HID1: variants seen among roughly 807,000 people sequenced by gnomAD.
HID1 encodes the protein HID1 domain containing.
A neutral mutation model predicts 89.7 loss-of-function variants in HID1; 42 were observed. That is an observed-to-expected ratio of 0.47 (90% CI 0.37 to 0.61). HID1 has a LOEUF of 0.61. Ranked by LOEUF, HID1 falls within the 20% of genes least tolerant of loss-of-function variation. The pLI is 0.00. For synonymous variants in HID1, 442 were observed against 433.8 expected (o/e 1.02, Z -0.24); for missense variants, 854 against 1,039.3 (o/e 0.82, Z 2.45).
intron 1 of HID1, among the ~76,000 whole-genome samples, chr17:74,966,274 ACT>A (rs1369137655): frequency 9.2e-6 from 1 of 108,898 alleles, no homozygotes; most frequent in African/African-American, 3.7e-5. Context: ...ACAGAGCAAG[ACT>A]CTGTCTCAAA....
intron 13 of HID1, 115 bp from the exon 14 acceptor site, chr17:74,954,480 G>A (rs972772751): frequency 6.6e-7 from 1 of 1,524,340 alleles, no homozygotes; most frequent in African/African-American, 1.4e-5. Context: ...TCTGCCCAAG[G>A]GGTTGGAGAT....
At position 74,972,486 on chromosome 17, in the gene HID1, C is replaced by G. The variant is rs896440559; in HGVS notation, c.66+105G>C. The G allele has an allele frequency of 1.6e-5, 17 of 1,096,184 alleles. No homozygotes were observed. Among genetic ancestry groups the G allele is most frequent in the Non-Finnish European group, 2.1e-5 (16 of 774,480 alleles). 67.9% of individuals were successfully genotyped at this position (1,096,184 alleles called of 1,614,324 possible). On this transcript the variant is annotated intron_variant, in intron 1 of 18. Transcript: ENST00000425042. This position sits in a 1 kb window ranked among gnomAD's most constrained non-coding sequence, Gnocchi z 6.4. ...CTGGCCTTGGCGTTACGCTCGGGGCCCGCCCGTCCCCCCATCTCCCGACGA... is the reference window on the plus strand; with the variant it reads ...CTGGCCTTGGCGTTACGCTCGGGGCGCGCCCGTCCCCCCATCTCCCGACGA...
chr17:74,951,767 G>A (rs927824498), intron 18 of HID1, 134 bp from the exon 19 acceptor site: 38 of 1,361,366 alleles, frequency 2.8e-5, no homozygotes, highest in Non-Finnish European at 3.6e-5. Context: ...GGGTGCCACC[G>A]TCAACCAGGC....
chr17:74,956,894 C>T (rs2039399266), intron 12 of HID1, among the ~76,000 whole-genome samples: 1 of 152,236 alleles, frequency 6.6e-6, no homozygotes, highest in South Asian at 2.1e-4. Flanking sequence ...AGGACAAAGG[C>T]AGAAAGGGTG....
rs138537346 is a variant in HID1, at chr17:74,958,725, T to C, written c.1188A>G (p.Leu396=). Residue 396 remains leucine, a synonymous_variant, in exon 10 of 19, where the codon CTA becomes CTG. Coordinates refer to ENST00000425042, the MANE Select transcript of HID1 (RefSeq NM_030630.3). This position sits in a 1 kb window ranked among gnomAD's most constrained non-coding sequence, Gnocchi z 5.2. ...LFFVLKSSDV[L]DILVPILFFL... ...AGAAGAGGATGGGGACAAGGATGTC[T>C]AGGACGTCGCTGCTCTTCAGCACGA... The C allele has an allele frequency of 6.2e-7, 1 of 1,607,952 alleles. No homozygotes were observed. The highest frequency in any genetic ancestry group is 1.1e-5 in the South Asian group (1 of 90,866).
chr17:74,963,132 G>A (rs1355687324), intron 3 of HID1, 51 bp from the exon 4 acceptor site: 3 of 1,360,490 alleles, frequency 2.2e-6, no homozygotes, highest in South Asian at 2.6e-5. Flanking sequence ...GCCAGGAAGA[G>A]GTGGCCCAGG....
At position 74,954,256 on chromosome 17, in the gene HID1, CCGG is replaced by C; in HGVS notation, c.1743_1745del (p.Arg583del). The C allele has an allele frequency of 1.9e-6, 3 of 1,589,108 alleles. No individual in the cohort carries two copies. The highest frequency in any genetic ancestry group is 2.6e-6 in the Non-Finnish European group (3 of 1,168,754). ...TGCGAGACAAGGGCTCAGGTGTCCG[CCGG>C]CGCCGCTGCAGGGCCTTGTGAATGG... On this transcript the variant is annotated inframe_deletion, in exon 14 of 19. Coordinates refer to ENST00000425042, the MANE Select transcript of HID1 (RefSeq NM_030630.3).
At position 74,972,692 on chromosome 17, in the gene HID1, G is replaced by A; in HGVS notation, c.-36C>T. The A allele has an allele frequency of 6.6e-7, 1 of 1,520,226 alleles. No homozygotes were observed. Among genetic ancestry groups the A allele is most frequent in the Non-Finnish European group, 8.8e-7 (1 of 1,131,388 alleles). The allele number at this position is 1,520,226 out of a possible 1,614,324, so 94.2% of individuals were successfully genotyped here. ...CCCGCTCCGGCCCGGCCCCCGCCCA[G>A]ACTCCAACCCGGCTCCGGCTTCAGC... is the stretch of plus-strand genomic sequence containing the variant. On this transcript the variant is annotated 5_prime_UTR_variant, in exon 1 of 19. Coordinates refer to ENST00000425042, the MANE Select transcript of HID1 (RefSeq NM_030630.3). The surrounding 1 kb of genome is among the most constrained non-coding windows in gnomAD (Gnocchi z 6.4).
chr17:74,954,371 G>A lies in HID1; in HGVS notation c.1637-6C>T, dbSNP rs200200744. On this transcript the variant is annotated splice_region_variant and splice_polypyrimidine_tract_variant and intron_variant, in intron 13 of 18. Transcript: ENST00000425042. Reference sequence around the variant, plus strand: ...GTAGACCAGGTTGGAGTTGCCTGTGGGCAGGGAGCATGCCTCGCCTCAGGG... The same window carrying A: ...GTAGACCAGGTTGGAGTTGCCTGTGAGCAGGGAGCATGCCTCGCCTCAGGG... 21 of 1,558,662 alleles carry A rather than the reference G, an allele frequency of 1.3e-5. No individual in the cohort carries two copies. The highest frequency in any genetic ancestry group is 1.9e-5 in the Admixed American group (1 of 51,722).
intron 1 of HID1, among the ~76,000 whole-genome samples, 192 bp from the exon 2 acceptor site, chr17:74,964,824 G>C (rs549080754): frequency 1.3e-5 from 2 of 152,346 alleles, no homozygotes; most frequent in African/African-American, 4.8e-5. Flanking sequence ...AGTCAGGCTG[G>C]AGACACCAGG....
At position 74,960,107 on chromosome 17, in the gene HID1, G is replaced by C. The variant is rs139963690; in HGVS notation, c.870C>G (p.Val290=). The change falls in exon 7 of 19, where the codon GTC becomes GTG. Residue 290 remains valine (V), a synonymous_variant. Transcript: ENST00000425042. ...TGCTGGCACTGTCGTGGTCCAAAGTGACAATGAGCACCTGGGCAGCCTCCT... is the reference window on the plus strand; with the variant it reads ...TGCTGGCACTGTCGTGGTCCAAAGTCACAATGAGCACCTGGGCAGCCTCCT... ...LVEEAAQVLI[V]TLDHDSASSA... is the part of the protein sequence containing the mutation. 1 of 1,613,892 alleles carries C rather than the reference G, an allele frequency of 6.2e-7. No individual in the cohort carries two copies. The highest frequency in any genetic ancestry group is 8.5e-7 in the Non-Finnish European group (1 of 1,180,058).
rs1314143919 is a variant in HID1, at chr17:74,951,887, C to T, written c.2303+18G>A. 6.7e-7 allele frequency: 1 copy of T among 1,497,082 alleles called. No individual in the cohort carries two copies. The highest frequency in any genetic ancestry group is 8.9e-7 in the Non-Finnish European group (1 of 1,120,700). 92.7% of individuals were successfully genotyped at this position (1,497,082 alleles called of 1,614,324 possible). A position where few individuals can be genotyped will look rare whatever the true frequency, so the allele number is the denominator to read the frequency against. ...GGCAGGCTCTCAGGTGGACACCACC[C>T]CACTCCCCGGGGCCCACCTCAGATA... On this transcript the variant is annotated intron_variant, in intron 18 of 18. Coordinates refer to ENST00000425042, the MANE Select transcript of HID1 (RefSeq NM_030630.3).
At chr17:74,952,488 TGGCACCAAGCAGGACCC>T in intron 16 of HID1, 128 bp from the exon 17 acceptor site, 1 of 660,824 alleles carries the variant, frequency 1.5e-6, no homozygotes, top group Non-Finnish European at 2.7e-6. Flanking sequence ...AGCATGAGCC[TGGCACCAAGCAGGACCC>T]GGGAAGAGTT....
Position 74,958,362 on chromosome 17 carries a change from C to T in HID1, c.1357G>A (p.Val453Ile). 6.2e-7 allele frequency: 1 copy of T among 1,613,294 alleles called. No homozygotes were observed. The highest frequency in any genetic ancestry group is 2.2e-5 in the East Asian group (1 of 44,872). ...YSIRVPMDIP[V>I]FTGTHADLLI... ...AGGTCGGCGTGGGTCCCTGTGAAGA[C>T]TGGGATGTCCATGGGCACGCGGATT... The change falls in exon 11 of 19, where the codon GTC (valine) becomes ATC (isoleucine). Residue 453 changes from valine to isoleucine, a missense_variant. Coordinates refer to ENST00000425042, the MANE Select transcript of HID1 (RefSeq NM_030630.3). The surrounding 1 kb of genome is among the most constrained non-coding windows in gnomAD (Gnocchi z 5.2).
rs889078798 is a variant in HID1, at chr17:74,954,686, G to A, written c.1637-321C>T. 2.2e-5 allele frequency: 9 copies of A among 406,578 alleles called. No individual in the cohort carries two copies. The East Asian group carries it at 2.3e-4, about 11-fold the overall frequency. 25.2% of individuals were successfully genotyped at this position (406,578 alleles called of 1,614,324 possible). The stretch of plus-strand genomic sequence containing the variant: ...CAGGCCCCAGCATGGCAGCATCCAC[G>A]TCAGGCCAGCTGTTAAATATTCTGA... On this transcript the variant is annotated intron_variant, in intron 13 of 18. Transcript: ENST00000425042.
Position 74,958,882 on chromosome 17 carries a change from C to T in HID1, c.1149+29G>A. The stretch of plus-strand genomic sequence containing the variant: ...TTATTGGGGCAGCTGCTCTCCATCT[C>T]CCTGCAGGGCCCCTCGAGGCTGGCC... On this transcript the variant is annotated intron_variant, in intron 9 of 18. Transcript: ENST00000425042. This position sits in a 1 kb window ranked among gnomAD's most constrained non-coding sequence, Gnocchi z 5.2. The T allele has an allele frequency of 9.5e-6, 15 of 1,582,584 alleles. No individual in the cohort carries two copies. The highest frequency in any genetic ancestry group is 1.3e-5 in the Non-Finnish European group (15 of 1,165,884).
In HID1 at chr17:74,959,092, C is replaced by T; in HGVS notation, c.1009-41G>A. ...GAGCAGGGGGCCTGTCCAGCCCAAT[C>T]CCTGCAGCTCCAGTTTCCCAGCCCA... On this transcript the variant is annotated intron_variant, in intron 8 of 18. Coordinates refer to ENST00000425042, the MANE Select transcript of HID1 (RefSeq NM_030630.3). The surrounding 1 kb of genome is among the most constrained non-coding windows in gnomAD (Gnocchi z 4.6). 1.3e-6 allele frequency: 2 copies of T among 1,495,098 alleles called. No individual in the cohort carries two copies. Among genetic ancestry groups the T allele is most frequent in the Non-Finnish European group, 1.8e-6 (2 of 1,126,640 alleles). 92.6% of individuals were successfully genotyped at this position (1,495,098 alleles called of 1,614,324 possible). A position where few individuals can be genotyped will look rare whatever the true frequency, so the allele number is the denominator to read the frequency against.
At position 74,959,145 on chromosome 17, in the gene HID1, C is replaced by A; in HGVS notation, c.1009-94G>T. On this transcript the variant is annotated intron_variant, in intron 8 of 18. Coordinates refer to ENST00000425042, the MANE Select transcript of HID1 (RefSeq NM_030630.3). This position sits in a 1 kb window ranked among gnomAD's most constrained non-coding sequence, Gnocchi z 4.6. ...CCCCCAACAAATCCCCCCCTCCATCCCCCAGAGCCAGATCCCACCTCCAGA... is the reference window on the plus strand; with the variant it reads ...CCCCCAACAAATCCCCCCCTCCATCACCCAGAGCCAGATCCCACCTCCAGA... 7.2e-7 allele frequency: 1 copy of A among 1,383,454 alleles called. No homozygotes were observed. Among genetic ancestry groups the A allele is most frequent in the African/African-American group, 1.4e-5 (1 of 69,240 alleles). The allele number at this position is 1,383,454 out of a possible 1,614,324, so 85.7% of individuals were successfully genotyped here. A position where few individuals can be genotyped will look rare whatever the true frequency, so the allele number is the denominator to read the frequency against.
chr17:74,960,238 G>T lies in HID1; in HGVS notation c.739C>A (p.Pro247Thr). The part of the protein sequence containing the change: ...FCSTENRHAL[P>T]LFTSLLNTVC... ...GTGTTGAGGAGGGAGGTGAAGAGGG[G>T]CAGGGCATGTCTGCAGCAGGAGAGG... Residue 247 changes from proline to threonine, a missense_variant, in exon 7 of 19, where the codon CCC (proline) becomes ACC (threonine). Physicochemically the swap from Pro to Thr is conservative, Grantham distance 38. Coordinates refer to ENST00000425042, the MANE Select transcript of HID1 (RefSeq NM_030630.3). 1 of 1,609,664 alleles carries T rather than the reference G, an allele frequency of 6.2e-7. No individual in the cohort carries two copies.
Sources: allele counts gnomAD v4.1 joint callset (sites outside exome capture counted in the v4.1 genomes callset), GRCh38; gene constraint gnomAD v4.1.1; non-coding constraint Gnocchi (gnomAD v3.1); transcripts MANE v1.5; gene names NCBI Gene and HGNC (gene_info 2026-07-23, HGNC 2026-07-21).